The following LRRIQ1 variants were observed in gnomAD, a reference collection of about 807,000 sequenced individuals.
LRRIQ1 encodes the protein leucine rich repeats and IQ motif containing 1.
LRRIQ1 carries 210 observed loss-of-function variants against 211.9 expected under a neutral mutation model. That is an observed-to-expected ratio of 0.99 (90% CI 0.89 to 1.11). The LOEUF is 1.11. LRRIQ1 is among the 50% of genes most tolerant of loss of function. The pLI, the probability that LRRIQ1 is intolerant of heterozygous loss-of-function variation, is 0.00. For missense variants in LRRIQ1, 2,136 were observed against 1,939.5 expected, an observed-to-expected ratio of 1.10 and a Z score of -1.90; for synonymous variants, 699 against 650.1, an observed-to-expected ratio of 1.08 and a Z score of -1.14.
intron 1 of LRRIQ1, among the ~76,000 whole-genome samples, chr12:85,260,001 C>A (rs1896237255): frequency 6.6e-6 from 1 of 151,744 alleles, no homozygotes; most frequent in Admixed American, 6.6e-5. Flanking sequence ...TAAAGAAAAG[C>A]TGGGCTTTAA....
At chr12:85,064,698 T>G (rs1464647964) in intron 8 of LRRIQ1, among the ~76,000 whole-genome samples, 1 of 151,834 alleles carries the variant, frequency 6.6e-6, no homozygotes, top group Non-Finnish European at 1.5e-5. Context: ...TAATTTGATT[T>G]TTGTGTGTGG....
chr12:85,077,936 C>T (rs911758885), intron 11 of LRRIQ1, among the ~76,000 whole-genome samples: 17 of 151,044 alleles, frequency 1.1e-4, no homozygotes, highest in East Asian at 3.9e-4. Flanking sequence ...TGTAGTAAGC[C>T]GAGATCACAC....
At chr12:85,066,383 C>A (rs947509631) in intron 9 of LRRIQ1, among the ~76,000 whole-genome samples, 2 of 151,788 alleles carry the variant, frequency 1.3e-5, no homozygotes, top group African/African-American at 4.8e-5. Flanking sequence ...TCTACTGCCA[C>A]CCCACATACA....
intron 11 of LRRIQ1, chr12:85,076,667 T>C (rs2136132790): frequency 3.2e-6 from 1 of 314,310 alleles, no homozygotes; most frequent in African/African-American, 2.2e-5. Context: ...CTCATAGTGC[T>C]TGGAATAATT....
Position 85,055,654 on chromosome 12 carries a change from T to C in LRRIQ1, c.861T>C (p.Ala287=), listed in dbSNP as rs950422497. 3 of 1,601,188 alleles carry C rather than the reference T, an allele frequency of 1.9e-6. No individual in the cohort carries two copies. Among genetic ancestry groups the C allele is most frequent in the Non-Finnish European group, 2.6e-6 (3 of 1,176,042 alleles). Residue 287 remains alanine (A), a synonymous_variant, in exon 8 of 27, where the codon GCT becomes GCC. Transcript: ENST00000393217. ...NSLLKQQNNA[A]VKIQAKYKAF... ...TGTTAAAACAGCAGAATAATGCAGC[T>C]GTTAAAATTCAAGCTAAATATAAAG... is the stretch of plus-strand genomic sequence containing the variant.
intron 13 of LRRIQ1, among the ~76,000 whole-genome samples, chr12:85,102,960 ATATATATAT>A (rs1565834253): frequency 1.0e-5 from 1 of 99,314 alleles, no homozygotes; most frequent in African/African-American, 4.4e-5. Flanking sequence ...AAAAAAAAAA[ATATATATAT>A]ATATATATAT....
intron 24 of LRRIQ1, among the ~76,000 whole-genome samples, chr12:85,173,839 A>G (rs137963584): frequency 1.3e-5 from 2 of 152,188 alleles, no homozygotes; most frequent in East Asian, 1.9e-4. Flanking sequence ...GGGGTACACA[A>G]ATATTTAGAC....
At chr12:85,097,694 T>C (rs1218679658) in intron 11 of LRRIQ1, among the ~76,000 whole-genome samples, 4 of 152,188 alleles carry the variant, frequency 2.6e-5, no homozygotes, top group East Asian at 1.9e-4. Context: ...ATTTTTAATA[T>C]CTTCCATGAA....
intron 24 of LRRIQ1, among the ~76,000 whole-genome samples, chr12:85,184,632 T>C (rs755104018): frequency 6.6e-6 from 1 of 151,978 alleles, no homozygotes; most frequent in Non-Finnish European, 1.5e-5. Context: ...CCTTTGGCGA[T>C]TGGATTAAGG....
intron 24 of LRRIQ1, among the ~76,000 whole-genome samples, chr12:85,176,472 C>T (rs978374781): frequency 7.3e-5 from 11 of 150,840 alleles, no homozygotes; most frequent in South Asian, 2.1e-4. Flanking sequence ...AATCATCATT[C>T]TCAGTAAACT....
chr12:85,153,624 G>T, intron 21 of LRRIQ1, 39 bp from the exon 22 acceptor site: 1 of 1,278,386 alleles, frequency 7.8e-7, no homozygotes, highest in Non-Finnish European at 1.1e-6. Context: ...TGATATACTT[G>T]TGTTGATTCA....
At chr12:85,172,899 G>T (rs1055000913) in intron 24 of LRRIQ1, among the ~76,000 whole-genome samples, 1 of 151,880 alleles carries the variant, frequency 6.6e-6, no homozygotes, top group Non-Finnish European at 1.5e-5. Flanking sequence ...ACAAGATCAA[G>T]AGATCGAGAC....
rs147643442 is a variant in LRRIQ1, at chr12:85,147,619, G to A, written c.4330-4661G>A. Among the ~76,000 whole-genome samples the A allele has an allele frequency of 3.0e-4, 46 of 151,718 alleles. No homozygotes were observed. The East Asian group carries it at 6.3e-3, about 21-fold the overall frequency. The stretch of plus-strand genomic sequence containing the variant: ...CTGAACCAGGCTCAAGAATTTAAGC[G>A]AACTTGGGTGAATTGAGGTCCCTGT... On this transcript the variant is annotated intron_variant, in intron 19 of 26. Transcript: ENST00000393217.
chr12:85,205,285 T>C (rs534993235), intron 24 of LRRIQ1, among the ~76,000 whole-genome samples: 3 of 152,210 alleles, frequency 2.0e-5, no homozygotes, highest in Admixed American at 2.0e-4. Context: ...ATCAGCAGCA[T>C]GAAAATAGAC....
intron 1 of LRRIQ1, among the ~76,000 whole-genome samples, chr12:85,261,801 A>ATTTATTTATTTG (rs752042225): frequency 2.7e-5 from 4 of 149,020 alleles, no homozygotes; most frequent in African/African-American, 1.0e-4. Flanking sequence ...TTATTTATTT[A>ATTTATTTATTTG]TTTTTGAGAC....
chr12:85,072,540 CT>C (rs35694626), intron 10 of LRRIQ1, among the ~76,000 whole-genome samples: 114 of 141,296 alleles, frequency 8.1e-4, no homozygotes, highest in African/African-American at 9.6e-4. Context: ...GTTAATCAGC[CT>C]TTTTTTTTTT....
At position 85,200,443 on chromosome 12, in the gene LRRIQ1, C is replaced by A. The variant is rs551507147; in HGVS notation, c.4823-29074C>A. Among the ~76,000 whole-genome samples, 3 of 152,174 alleles carry A rather than the reference C, an allele frequency of 2.0e-5. No homozygotes were observed. The South Asian group carries it at 6.2e-4, about 32-fold the overall frequency. The stretch of plus-strand genomic sequence containing the variant: ...GACAAATCTCTTCCTATTTTGATGC[C>A]TTTTATATCTCTCTCTTGCCTGATT... On this transcript the variant is annotated intron_variant, in intron 24 of 26. Coordinates refer to ENST00000393217, the MANE Select transcript of LRRIQ1 (RefSeq NM_001079910.2).
At chr12:85,257,243 T>A (rs1204837738) in intron 1 of LRRIQ1, among the ~76,000 whole-genome samples, 1 of 20,712 alleles carries the variant, frequency 4.8e-5, no homozygotes, top group Non-Finnish European at 1.2e-4. Context: ...TGCATATCCA[T>A]CCAGATCCAT....
At chr12:85,210,048 T>G (rs1893763357) in intron 24 of LRRIQ1, among the ~76,000 whole-genome samples, 1 of 152,204 alleles carries the variant, frequency 6.6e-6, no homozygotes, top group South Asian at 2.1e-4. Flanking sequence ...AATTTCTTTT[T>G]TTCTTGTGGA....
Sources: allele counts gnomAD v4.1 joint callset (sites outside exome capture counted in the v4.1 genomes callset), GRCh38; gene constraint gnomAD v4.1.1; transcripts MANE v1.5; gene names NCBI Gene and HGNC (gene_info 2026-07-23, HGNC 2026-07-21).